NAV2: variants seen among roughly 807,000 people sequenced by gnomAD.
NAV2 encodes helicase, APC down-regulated 1.
A neutral mutation model predicts 223.2 loss-of-function variants in NAV2; 54 were observed. The observed-to-expected ratio is 0.24, with a 90% CI of 0.19 to 0.30. NAV2 has a LOEUF of 0.30. Ranked by LOEUF, NAV2 falls within the 10% of genes least tolerant of loss-of-function variation. The probability of loss-of-function intolerance (pLI) is 1.00; values close to 1 mark genes in which losing one functional copy is unlikely to be tolerated. For missense variants in NAV2, 2,806 were observed against 3,147.5 expected (o/e 0.89, Z 2.60); for synonymous variants, 1,279 against 1,239.3 (o/e 1.03, Z -0.67).
At chr11:19,968,164 C>A (rs1027458415) in intron 10 of NAV2, among the ~76,000 whole-genome samples, 1 of 152,058 alleles carries the variant, frequency 6.6e-6, no homozygotes, top group Non-Finnish European at 1.5e-5. Context: ...ATGATGAAAA[C>A]AAATAGGGTG....
In NAV2 at chr11:20,118,159, G is replaced by A. The variant is rs552719410; in HGVS notation, c.7191G>A (p.Glu2397=). 111 of 1,613,678 alleles carry A rather than the reference G, an allele frequency of 6.9e-5. 1 individual carries two copies. In the South Asian group the frequency reaches 1.1e-3, roughly 16 times the overall value. ...TGAACATGCTGATGAGGCTGCAGGA[G>A]GCAGCCAACTACTCCAGCCCCCAGA... The part of the protein sequence containing the change: ...PLMNMLMRLQ[E]AANYSSPQSY... Residue 2397 remains glutamate, a synonymous_variant, in exon 38 of 38, where the codon GAG becomes GAA. Transcript: ENST00000349880.
intron 1 of NAV2, among the ~76,000 whole-genome samples, chr11:19,599,370 G>A (rs1201613998): frequency 6.6e-6 from 1 of 152,026 alleles, no homozygotes; most frequent in African/African-American, 2.4e-5. Flanking sequence ...CATCCATCCG[G>A]CCAACCTGCG....
At position 19,933,602 on chromosome 11, in the gene NAV2, G is replaced by T. The variant is rs745951967; in HGVS notation, c.1358G>T (p.Gly453Val). Residue 453 changes from glycine to valine, a missense_variant, in exon 7 of 38, where the codon GGC (glycine) becomes GTC (valine). Gly to Val is a moderately radical substitution (Grantham distance 109). Coordinates refer to ENST00000349880, the MANE Select transcript of NAV2 (RefSeq NM_145117.5). This position sits in a 1 kb window ranked among gnomAD's most constrained non-coding sequence, Gnocchi z 4.3. ...GCCAGTCGCATGCTCACCACCGTGGGCCCTGCTTCCAGCAGCCCCAAGATT... is the reference window on the plus strand; with the variant it reads ...GCCAGTCGCATGCTCACCACCGTGGTCCCTGCTTCCAGCAGCCCCAAGATT... ...EAASRMLTTVGPASSSPKIAL... is the reference protein window; with the variant it reads ...EAASRMLTTVVPASSSPKIAL... 7.4e-6 allele frequency: 12 copies of T among 1,613,940 alleles called. No homozygotes were observed. Among genetic ancestry groups the T allele is most frequent in the Admixed American group, 1.7e-5 (1 of 60,018 alleles).
At chr11:19,854,648 C>G (rs1348463798) in intron 3 of NAV2, among the ~76,000 whole-genome samples, 3 of 152,000 alleles carry the variant, frequency 2.0e-5, no homozygotes, top group Admixed American at 1.3e-4. Flanking sequence ...GTTTTTGATC[C>G]CTAAATGATG....
At chr11:19,576,013 G>A (rs1333153212) in intron 1 of NAV2, among the ~76,000 whole-genome samples, 3 of 152,178 alleles carry the variant, frequency 2.0e-5, no homozygotes, top group Admixed American at 2.0e-4. Context: ...CATACAGAGT[G>A]AGGAATCTGA....
At chr11:19,662,412 A>G (rs931796125) in intron 1 of NAV2, among the ~76,000 whole-genome samples, 2 of 152,230 alleles carry the variant, frequency 1.3e-5, no homozygotes, top group African/African-American at 4.8e-5. Flanking sequence ...CAGGAGGTGG[A>G]AACACCTGAT....
intron 1 of NAV2, among the ~76,000 whole-genome samples, chr11:19,580,943 A>G (rs1270828533): frequency 6.6e-6 from 1 of 152,152 alleles, no homozygotes; most frequent in Non-Finnish European, 1.5e-5. Context: ...CCTATCCTAC[A>G]TTTGGTTCTT....
intron 1 of NAV2, among the ~76,000 whole-genome samples, chr11:19,556,402 G>A (rs1267186897): frequency 6.6e-6 from 1 of 152,214 alleles, no homozygotes; most frequent in African/African-American, 2.4e-5. Flanking sequence ...GCAACAATAT[G>A]AACGAAGTAA....
At chr11:19,891,742 C>T (rs1161039010) in intron 5 of NAV2, among the ~76,000 whole-genome samples, 2 of 152,124 alleles carry the variant, frequency 1.3e-5, no homozygotes, top group East Asian at 1.9e-4. Context: ...AATTCACCTT[C>T]TCACCACTAT....
intron 11 of NAV2, among the ~76,000 whole-genome samples, chr11:19,988,088 A>T (rs2050962698): frequency 6.6e-6 from 1 of 152,212 alleles, no homozygotes; most frequent in African/African-American, 2.4e-5. Flanking sequence ...AACTCCAGCA[A>T]GTTGAGAGCT....
At chr11:19,475,114 C>T (rs2042077269) in intron 1 of NAV2, among the ~76,000 whole-genome samples, 1 of 152,246 alleles carries the variant, frequency 6.6e-6, no homozygotes, top group African/African-American at 2.4e-5. Context: ...CTGGTCACAG[C>T]CTGCATCTGG....
chr11:19,977,681 C>T (rs573041595), intron 10 of NAV2, among the ~76,000 whole-genome samples: 4 of 152,044 alleles, frequency 2.6e-5, no homozygotes, highest in Non-Finnish European at 4.4e-5. Context: ...TTTTATAATT[C>T]GCACTGAGAA....
chr11:19,894,056 T>C (rs1241390255), intron 6 of NAV2, among the ~76,000 whole-genome samples: 5 of 152,250 alleles, frequency 3.3e-5, no homozygotes, highest in African/African-American at 1.2e-4. Flanking sequence ...TGTATATATA[T>C]ATGTAACAGA....
At chr11:19,944,989 CTTTCCA>C (rs150456066) in intron 8 of NAV2, among the ~76,000 whole-genome samples, 26,864 of 145,874 alleles carry the variant, frequency 0.18, 2,420 homozygotes, top group Middle Eastern at 0.35. Context: ...TTCCCTTTCC[CTTTCCA>C]TTTCCATTTT....
At chr11:20,058,043 A>G (rs776089526) in intron 19 of NAV2, among the ~76,000 whole-genome samples, 1 of 152,250 alleles carries the variant, frequency 6.6e-6, no homozygotes, top group Non-Finnish European at 1.5e-5. Context: ...AAAATATGGC[A>G]TCAGATTGAT....
intron 1 of NAV2, among the ~76,000 whole-genome samples, chr11:19,355,906 T>C (rs1853589336): frequency 1.3e-5 from 2 of 152,238 alleles, no homozygotes; most frequent in South Asian, 2.1e-4. Context: ...CTCTGGGGCA[T>C]TGAAGGTGTG....
intron 1 of NAV2, among the ~76,000 whole-genome samples, chr11:19,484,314 G>T (rs1176544166): frequency 6.6e-6 from 1 of 152,210 alleles, no homozygotes; most frequent in African/African-American, 2.4e-5. Flanking sequence ...TGGTTCAATT[G>T]TTTCTTATAC....
intron 1 of NAV2, among the ~76,000 whole-genome samples, chr11:19,827,442 T>C (rs2059697694): frequency 6.6e-6 from 1 of 152,220 alleles, no homozygotes; most frequent in Non-Finnish European, 1.5e-5. Flanking sequence ...TCAGCTAGAA[T>C]TGGCCCGGGT....
intron 1 of NAV2, among the ~76,000 whole-genome samples, chr11:19,626,163 T>C (rs2047163478): frequency 6.6e-6 from 1 of 152,224 alleles, no homozygotes; most frequent in Non-Finnish European, 1.5e-5. Flanking sequence ...GTTTTATAGT[T>C]TTGGGTCTTA....
Sources: gnomAD v4.1 joint callset for allele counts (sites outside exome capture counted in the v4.1 genomes callset) on GRCh38, gnomAD v4.1.1 for gene constraint, Gnocchi (gnomAD v3.1) non-coding constraint, MANE v1.5 for transcripts, NCBI Gene and HGNC (gene_info 2026-07-23, HGNC 2026-07-21) for gene names.